The following RBFOX1 variants were observed in gnomAD, a reference collection of about 807,000 sequenced individuals.
The protein encoded by RBFOX1 is RNA binding fox-1 homolog 1.
A neutral mutation model predicts 57.7 loss-of-function variants in RBFOX1; 8 were observed. The ratio of observed to expected loss-of-function variants is 0.14; its 90% confidence interval spans 0.08 to 0.25. RBFOX1 has a LOEUF of 0.25. RBFOX1 is among the 10% of genes least tolerant of loss of function. The pLI is 1.00. For missense variants in RBFOX1, 611 were observed against 548.5 expected, an observed-to-expected ratio of 1.11 and a Z score of -1.14; for synonymous variants, 326 against 222.4, an observed-to-expected ratio of 1.47 and a Z score of -4.15.
intron 3 of RBFOX1, among the ~76,000 whole-genome samples, chr16:5,832,791 G>T (rs2056325030): frequency 1.3e-5 from 2 of 152,176 alleles, no homozygotes; most frequent in Admixed American, 1.3e-4. Flanking sequence ...AGATGTTCTG[G>T]AAGCTGACTT....
At chr16:6,663,767 A>G (rs749099000) in intron 3 of RBFOX1, among the ~76,000 whole-genome samples, 1 of 152,238 alleles carries the variant, frequency 6.6e-6, no homozygotes, top group Non-Finnish European at 1.5e-5. Context: ...AAATTAGAGC[A>G]TCCCTGAGAA....
chr16:7,710,822 T>TAG lies in RBFOX1; in HGVS notation c.*78_*79dup. 1 of 1,226,230 alleles carries TAG rather than the reference T, an allele frequency of 8.2e-7. No individual in the cohort carries two copies. The highest frequency in any genetic ancestry group is 1.1e-6 in the Non-Finnish European group (1 of 942,044). 76.0% of individuals were successfully genotyped at this position (1,226,230 alleles called of 1,614,324 possible). The stretch of plus-strand genomic sequence containing the variant: ...GGCCTGAGTATTGCAATACATGCAG[T>TAG]AGTACATCATTTTAGCAACTCTAAA... On this transcript the variant is annotated 3_prime_UTR_variant, in exon 16 of 16. Coordinates refer to ENST00000550418, the MANE Select transcript of RBFOX1 (RefSeq NM_018723.4).
chr16:6,800,897 A>T (rs1394588769), intron 3 of RBFOX1, among the ~76,000 whole-genome samples: 1 of 152,172 alleles, frequency 6.6e-6, no homozygotes, highest in East Asian at 1.9e-4. Context: ...ATTCACTTCA[A>T]GTGGAAATCT....
intron 4 of RBFOX1, among the ~76,000 whole-genome samples, chr16:7,406,289 A>G (rs1015808257): frequency 6.6e-6 from 1 of 152,196 alleles, no homozygotes; most frequent in African/African-American, 2.4e-5. Context: ...TACCTTGTTC[A>G]TACGGTTTCT....
chr16:7,012,375 TG>T lies in RBFOX1; in HGVS notation c.-15-39681del. On this transcript the variant is annotated intron_variant, in intron 3 of 15. Transcript: ENST00000550418. Reference sequence around the variant, plus strand: ...AGGTCTCTTCAATTCCATCACCTTTTGTCTATGAAAGTACTCATCCTTCAGG... The same window carrying T: ...AGGTCTCTTCAATTCCATCACCTTTTTCTATGAAAGTACTCATCCTTCAGG... Among the ~76,000 whole-genome samples, 2 of 152,290 alleles carry T rather than the reference TG, an allele frequency of 1.3e-5. 1 individual carries two copies. Among genetic ancestry groups the T allele is most frequent in the Middle Eastern group, 6.8e-3 (2 of 294 alleles).
At chr16:6,795,133 C>T (rs767042094) in intron 3 of RBFOX1, among the ~76,000 whole-genome samples, 1 of 152,136 alleles carries the variant, frequency 6.6e-6, no homozygotes, top group Non-Finnish European at 1.5e-5. Context: ...CCTCAGAAAG[C>T]CAAGTTCTGT....
At chr16:7,458,485 T>G (rs1041179929) in intron 4 of RBFOX1, among the ~76,000 whole-genome samples, 9 of 152,224 alleles carry the variant, frequency 5.9e-5, no homozygotes, top group African/African-American at 1.7e-4. Flanking sequence ...CTCTAGCTGC[T>G]GTTTTTTAAA....
chr16:6,654,873 C>CA (rs2098635471), intron 3 of RBFOX1, among the ~76,000 whole-genome samples: 1 of 128,202 alleles, frequency 7.8e-6, no homozygotes, highest in African/African-American at 2.7e-5. Context: ...TAATTTTTTA[C>CA]AAAAAATGTG....
chr16:7,223,534 C>T (rs546952385), intron 4 of RBFOX1, among the ~76,000 whole-genome samples: 19 of 151,988 alleles, frequency 1.3e-4, no homozygotes, highest in Non-Finnish European at 2.4e-4. Context: ...TATCAGAACT[C>T]CAAATTTTCA....
At chr16:6,967,947 G>A (rs935073585) in intron 3 of RBFOX1, among the ~76,000 whole-genome samples, 8 of 152,156 alleles carry the variant, frequency 5.3e-5, no homozygotes, top group African/African-American at 1.9e-4. Context: ...GGTGCCAGAA[G>A]GATAAAAACG....
chr16:7,232,505 C>G (rs780733776), intron 4 of RBFOX1, among the ~76,000 whole-genome samples: 1 of 152,096 alleles, frequency 6.6e-6, no homozygotes, highest in Non-Finnish European at 1.5e-5. Flanking sequence ...CATATGCCCA[C>G]TTGTACCCAC....
At chr16:6,307,322 GCAGTGAGCCAAGAT>G (rs2079631456) in intron 1 of RBFOX1, among the ~76,000 whole-genome samples, 1 of 152,114 alleles carries the variant, frequency 6.6e-6, no homozygotes, top group Admixed American at 6.5e-5. Flanking sequence ...GGCGGAGCTT[GCAGTGAGCCAAGAT>G]CGCGCACTGC....
At chr16:5,801,539 G>T (rs530521124) in intron 3 of RBFOX1, among the ~76,000 whole-genome samples, 5 of 152,202 alleles carry the variant, frequency 3.3e-5, no homozygotes, top group African/African-American at 1.2e-4. Context: ...ACACAGGCGC[G>T]GGAGCTGGGG....
chr16:6,600,195 C>G (rs1367439896), intron 2 of RBFOX1, among the ~76,000 whole-genome samples: 1 of 152,184 alleles, frequency 6.6e-6, no homozygotes, highest in Admixed American at 6.5e-5. Context: ...CTCAAAGACA[C>G]ATTTTTCCTT....
At chr16:6,689,531 A>T (rs1009530256) in intron 3 of RBFOX1, among the ~76,000 whole-genome samples, 2 of 152,132 alleles carry the variant, frequency 1.3e-5, no homozygotes, top group Admixed American at 1.3e-4. Flanking sequence ...TATGCAAGAG[A>T]TGTTTACACA....
intron 1 of RBFOX1, among the ~76,000 whole-genome samples, chr16:5,268,465 A>T (rs2062917386): frequency 6.6e-6 from 1 of 152,244 alleles, no homozygotes; most frequent in Non-Finnish European, 1.5e-5. Flanking sequence ...AATCTAGTAC[A>T]GTCAAGATTA....
intron 3 of RBFOX1, among the ~76,000 whole-genome samples, chr16:6,985,880 C>CT (rs998578981): frequency 8.1e-5 from 8 of 98,558 alleles, no homozygotes; most frequent in African/African-American, 2.8e-4. Flanking sequence ...TTTTTCTTTT[C>CT]TTTTTTTGCA....
At chr16:7,445,161 A>G (rs1049192911) in intron 4 of RBFOX1, among the ~76,000 whole-genome samples, 1 of 152,170 alleles carries the variant, frequency 6.6e-6, no homozygotes, top group Admixed American at 6.5e-5. Flanking sequence ...AGGGCTCAGC[A>G]TGTGCCTGGG....
chr16:7,020,403 T>A (rs1452819463), intron 3 of RBFOX1, among the ~76,000 whole-genome samples: 4 of 152,020 alleles, frequency 2.6e-5, no homozygotes, highest in African/African-American at 9.7e-5. Context: ...GTAGTTTTAG[T>A]AGAGATGAGG....
Sources: allele counts gnomAD v4.1 joint callset (sites outside exome capture counted in the v4.1 genomes callset), GRCh38; gene constraint gnomAD v4.1.1; transcripts MANE v1.5; gene names NCBI Gene and HGNC (gene_info 2026-07-23, HGNC 2026-07-21).